The following MTOR variants were observed in gnomAD, a reference collection of about 807,000 sequenced individuals.
MTOR encodes serine/threonine-protein kinase mTOR.
A neutral mutation model predicts 319.8 loss-of-function variants in MTOR; 70 were observed. The ratio of observed to expected loss-of-function variants is 0.22; its 90% confidence interval spans 0.18 to 0.27. The LOEUF is 0.27. MTOR is among the 10% of genes least tolerant of loss of function. The pLI is 1.00. For synonymous variants in MTOR, 1,183 were observed against 1,211.4 expected (o/e 0.98, Z 0.49); for missense variants, 1,890 against 3,274.4 (o/e 0.58, Z 10.32).
chr1:11,152,933 T>C (rs961907999), intron 30 of MTOR, among the ~76,000 whole-genome samples: 6 of 152,220 alleles, frequency 3.9e-5, no homozygotes, highest in African/African-American at 1.4e-4. Context: ...TACTAGCCAC[T>C]TACGCTTTAT....
At position 11,109,560 on chromosome 1, in the gene MTOR, C is replaced by T. The variant is rs895449923; in HGVS notation, c.7447+89G>A. 3 of 1,375,118 alleles carry T rather than the reference C, an allele frequency of 2.2e-6. No individual in the cohort carries two copies. The African/African-American group carries it at 4.3e-5, about 20-fold the overall frequency. 85.2% of individuals were successfully genotyped at this position (1,375,118 alleles called of 1,614,324 possible). On this transcript the variant is annotated intron_variant, in intron 55 of 57. Coordinates refer to ENST00000361445, the MANE Select transcript of MTOR (RefSeq NM_004958.4). This position sits in a 1 kb window ranked among gnomAD's most constrained non-coding sequence, Gnocchi z 4.0. Reference sequence around the variant, plus strand: ...CTGCTCAAAGGCAGTTTTGTTGCTTCATCTTGTTGACCCCTCTCAGGGTAT... The same window carrying T: ...CTGCTCAAAGGCAGTTTTGTTGCTTTATCTTGTTGACCCCTCTCAGGGTAT...
chr1:11,208,288 T>C (rs1646203484), intron 25 of MTOR, among the ~76,000 whole-genome samples: 1 of 152,268 alleles, frequency 6.6e-6, no homozygotes, highest in African/African-American at 2.4e-5. Flanking sequence ...TACCTCCATC[T>C]TAACCCAGCA....
intron 19 of MTOR, among the ~76,000 whole-genome samples, chr1:11,220,780 A>G (rs952393242): frequency 6.6e-6 from 1 of 152,190 alleles, no homozygotes; most frequent in Admixed American, 6.5e-5. Context: ...GTGAGACCTC[A>G]TGTCAGAAAT....
chr1:11,146,300 T>C (rs570547370), intron 32 of MTOR, among the ~76,000 whole-genome samples: 72 of 152,344 alleles, frequency 4.7e-4, no homozygotes, highest in Non-Finnish European at 7.5e-4. Flanking sequence ...ATGTGTGACA[T>C]GCCTGCATGG....
intron 31 of MTOR, chr1:11,149,433 C>T (rs1217052934): frequency 2.6e-5 from 4 of 152,210 alleles, no homozygotes; most frequent in South Asian, 2.1e-4. Context: ...TGAAGGTAAA[C>T]CCCAGTACCA....
intron 19 of MTOR, among the ~76,000 whole-genome samples, chr1:11,219,209 G>A (rs1008066770): frequency 8.1e-5 from 12 of 147,362 alleles, no homozygotes; most frequent in African/African-American, 3.0e-4. Context: ...GTGAGACCCT[G>A]TTTCAAAAAA....
chr1:11,199,141 G>GA lies in MTOR; in HGVS notation c.4253+116dup. ...CATTTAAACATGCTGGCCAGACCCA[G>GA]AGGCAGATTTCACAGAGCAGAAGTC... On this transcript the variant is annotated intron_variant, in intron 28 of 57. Transcript: ENST00000361445. This position sits in a 1 kb window ranked among gnomAD's most constrained non-coding sequence, Gnocchi z 4.5. 1 of 1,326,132 alleles carries GA rather than the reference G, an allele frequency of 7.5e-7. No individual in the cohort carries two copies. The highest frequency in any genetic ancestry group is 1.1e-6 in the Non-Finnish European group (1 of 939,582). The allele number at this position is 1,326,132 out of a possible 1,614,324, so 82.1% of individuals were successfully genotyped here.
intron 28 of MTOR, among the ~76,000 whole-genome samples, chr1:11,188,277 G>C (rs959411021): frequency 6.6e-6 from 1 of 152,180 alleles, no homozygotes; most frequent in Non-Finnish European, 1.5e-5. Context: ...GATGTTTGCT[G>C]AAACTCCATG....
At chr1:11,130,177 T>A (rs1178149188) in intron 39 of MTOR, among the ~76,000 whole-genome samples, 1 of 151,730 alleles carries the variant, frequency 6.6e-6, no homozygotes, top group Non-Finnish European at 1.5e-5. Flanking sequence ...GAAGTGGAAG[T>A]GGAGAGAAAA....
At chr1:11,258,256 T>G (rs975439901) in intron 3 of MTOR, among the ~76,000 whole-genome samples, 3 of 152,194 alleles carry the variant, frequency 2.0e-5, no homozygotes, top group Non-Finnish European at 4.4e-5. Context: ...GCTTCTAGTC[T>G]CAGCTCTGGT....
chr1:11,256,116 ATGT>A lies in MTOR; in HGVS notation c.578_580del (p.Asn193del). ...TTTGGGGTCCCACACGGCCACAAAA[ATGT>A]TGTCAAAGAAGGGTTGCACTTGCTG... On this transcript the variant is annotated inframe_deletion, in exon 5 of 58. Coordinates refer to ENST00000361445, the MANE Select transcript of MTOR (RefSeq NM_004958.4). The A allele has an allele frequency of 6.2e-7, 1 of 1,614,196 alleles. No homozygotes were observed. The highest frequency in any genetic ancestry group is 8.5e-7 in the Non-Finnish European group (1 of 1,180,030).
At chr1:11,165,055 T>C (rs1644598906) in intron 29 of MTOR, among the ~76,000 whole-genome samples, 1 of 152,186 alleles carries the variant, frequency 6.6e-6, no homozygotes, top group Non-Finnish European at 1.5e-5. Context: ...CAGCGCTTCA[T>C]GCTAAAAACT....
chr1:11,145,867 C>T (rs1643912589), intron 32 of MTOR, among the ~76,000 whole-genome samples: 2 of 152,186 alleles, frequency 1.3e-5, no homozygotes, highest in East Asian at 1.9e-4. Flanking sequence ...ATTCTGCACA[C>T]ACTTCAATGG....
In MTOR at chr1:11,248,093, C is replaced by T. The variant is rs757384321; in HGVS notation, c.842G>A (p.Arg281His). Residue 281 changes from arginine to histidine, a missense_variant and splice_region_variant, in exon 7 of 58, where the codon CGT (arginine) becomes CAT (histidine). This residue lies in a region of MTOR where 418 missense variants were observed against 543.1 expected (regional missense o/e 0.77). Transcript: ENST00000361445. ...LVRISSMEGERLREEMEEITQ... is the reference protein window; with the variant it reads ...LVRISSMEGEHLREEMEEITQ... ...GATTTCTTCCATTTCTTCTCTCAGA[C>T]GCTATATATATGAGGAGGAAAAAAA... 3.6e-5 allele frequency: 57 copies of T among 1,602,950 alleles called. No individual in the cohort carries two copies. In the Admixed American group the frequency reaches 6.1e-4, roughly 17 times the overall value.
chr1:11,182,845 C>A (rs1212367951), intron 28 of MTOR, among the ~76,000 whole-genome samples: 1 of 152,194 alleles, frequency 6.6e-6, no homozygotes, highest in East Asian at 1.9e-4. Flanking sequence ...TGTGAATATA[C>A]CACCATTTAC....
At chr1:11,221,239 C>T (rs911249849) in intron 19 of MTOR, among the ~76,000 whole-genome samples, 1 of 152,110 alleles carries the variant, frequency 6.6e-6, no homozygotes, top group Non-Finnish European at 1.5e-5. Flanking sequence ...GAGTGATCCA[C>T]CTGCCTCGGC....
intron 25 of MTOR, among the ~76,000 whole-genome samples, chr1:11,207,832 T>C (rs752641161): frequency 3.3e-5 from 5 of 152,082 alleles, no homozygotes; most frequent in Non-Finnish European, 7.4e-5. Flanking sequence ...GATCTGAGAG[T>C]GAGCTGTGGA....
rs753858647 is a variant in MTOR at position 11,128,896 on chromosome 1, C to CTA, written c.5768_5769dup (p.Val1924Ter). The stretch of plus-strand genomic sequence containing the variant: ...ATCTGGATGGCTTTCACCCCCTCCA[C>CTA]TAAGGCCTCATTGACATCTGGCCAG... On this transcript the variant is annotated frameshift_variant, in exon 41 of 58. Transcript: ENST00000361445. LOFTEE classifies it high-confidence loss of function. The surrounding 1 kb of genome is among the most constrained non-coding windows in gnomAD (Gnocchi z 5.3). 1.2e-6 allele frequency: 2 copies of CTA among 1,614,064 alleles called. No individual in the cohort carries two copies. Among genetic ancestry groups the CTA allele is most frequent in the Non-Finnish European group, 1.7e-6 (2 of 1,179,998 alleles).
At chr1:11,248,200 C>G in intron 6 of MTOR, 106 bp from the exon 7 acceptor site, 1 of 1,208,732 alleles carries the variant, frequency 8.3e-7, no homozygotes, top group Non-Finnish European at 1.2e-6. Flanking sequence ...CGAAACGCAA[C>G]TACTTCCAAA....
Sources: gnomAD v4.1 joint callset for allele counts (sites outside exome capture counted in the v4.1 genomes callset) on GRCh38, gnomAD v4.1.1 for gene constraint, gnomAD v4.1.1 regional missense constraint, Gnocchi (gnomAD v3.1) non-coding constraint, MANE v1.5 for transcripts, NCBI Gene and HGNC (gene_info 2026-07-23, HGNC 2026-07-21) for gene names.